TRAF5: variants seen among roughly 807,000 people sequenced by gnomAD.
TRAF5 encodes the protein TNF receptor-associated factor 5.
In TRAF5, 48 loss-of-function variants were observed where a neutral mutation model predicts 64.5. That is an observed-to-expected ratio of 0.74 (90% confidence interval 0.59 to 0.95). TRAF5 has a LOEUF of 0.95. Among genes scored for constraint, TRAF5 ranks in the 40% least tolerant of loss-of-function variants. TRAF5 has a pLI of 0.00. For missense variants in TRAF5, 545 were observed against 662.8 expected (o/e 0.82, Z 1.95); for synonymous variants, 206 against 240.5 (o/e 0.86, Z 1.33).
chr1:211,346,291 T>G, intron 1 of TRAF5: 1 of 881,078 alleles, frequency 1.1e-6, no homozygotes, highest in Non-Finnish European at 1.4e-6. Context: ...GCCTTATTTC[T>G]TCTGTCCTTG....
chr1:211,345,400 G>C (rs1402246044), intron 1 of TRAF5, among the ~76,000 whole-genome samples: 1 of 150,510 alleles, frequency 6.6e-6, no homozygotes, highest in Admixed American at 6.6e-5. Context: ...GGTAGTAACT[G>C]TTCTTCCTGG....
chr1:211,371,264 T>G, intron 9 of TRAF5, 38 bp from the exon 10 acceptor site: 1 of 1,535,194 alleles, frequency 6.5e-7, no homozygotes, highest in Non-Finnish European at 8.7e-7. Flanking sequence ...AAATATTAAC[T>G]AATTTTTTAA....
At chr1:211,360,617 A>T (rs529067613) in intron 5 of TRAF5, 85 bp from the exon 6 acceptor site, 1 of 1,093,878 alleles carries the variant, frequency 9.1e-7, no homozygotes, top group African/African-American at 1.6e-5. Flanking sequence ...GCCACGTGAC[A>T]TATAATCCCC....
intron 1 of TRAF5, among the ~76,000 whole-genome samples, chr1:211,349,736 G>A (rs1318634961): frequency 1.3e-5 from 2 of 152,216 alleles, no homozygotes; most frequent in East Asian, 3.8e-4. Flanking sequence ...GCAGAGTGTA[G>A]TGGAGGGAAC....
At chr1:211,347,606 G>A (rs116589592) in intron 1 of TRAF5, among the ~76,000 whole-genome samples, 2,136 of 152,338 alleles carry the variant, frequency 0.014, 47 homozygotes, top group African/African-American at 0.049. Context: ...TACACACATG[G>A]ATGGGGAGAG....
chr1:211,354,105 TGTCCCA>T (rs1184883885), intron 2 of TRAF5, among the ~76,000 whole-genome samples: 1 of 152,212 alleles, frequency 6.6e-6, no homozygotes, highest in African/African-American at 2.4e-5. Flanking sequence ...CCCTCTAGAA[TGTCCCA>T]GTCTAGAGGA....
chr1:211,358,502 C>G (rs1474979173), intron 4 of TRAF5: 1 of 145,716 alleles, frequency 6.9e-6, no homozygotes, highest in African/African-American at 2.5e-5. Flanking sequence ...AAAAAAAAAC[C>G]TAGAATGTCC....
chr1:211,353,133 G>C (rs1702846390), intron 1 of TRAF5, 106 bp from the exon 2 acceptor site: 1 of 1,111,288 alleles, frequency 9.0e-7, no homozygotes, highest in African/African-American at 1.5e-5. Context: ...ATGACCATGT[G>C]AATGATGTAC....
At chr1:211,358,321 C>T (rs984593739) in intron 4 of TRAF5, 1 of 151,870 alleles carries the variant, frequency 6.6e-6, no homozygotes, top group Admixed American at 6.6e-5. Flanking sequence ...ACTAATAATA[C>T]AAAAATTAGC....
In TRAF5 at chr1:211,361,123, G is replaced by T. The variant is rs774626101; in HGVS notation, c.657G>T (p.Glu219Asp). The T allele has an allele frequency of 4.1e-5, 66 of 1,614,056 alleles. 1 individual carries two copies. Among genetic ancestry groups the T allele is most frequent in the Middle Eastern group, 3.3e-4 (2 of 6,084 alleles). The part of the protein sequence containing the change: ...DEHLAVCPEA[E>D]QDCPFKHYGC... ...ACCTGGCTGTATGTCCTGAAGCTGA[G>T]CAAGACTGTCCTTTTAAGCACTATG... The change falls in exon 7 of 11, where the codon GAG becomes GAT. Residue 219 changes from glutamate to aspartate, a missense_variant. Physicochemically the swap from Glu to Asp is conservative, Grantham distance 45 (BLOSUM62 2). Transcript: ENST00000261464.
intron 4 of TRAF5, chr1:211,357,936 G>C (rs1343505268): frequency 6.6e-6 from 1 of 152,126 alleles, no homozygotes; most frequent in East Asian, 1.9e-4. Flanking sequence ...CAATTACTCA[G>C]CTCTCCCATT....
chr1:211,360,107 T>C, intron 5 of TRAF5, 31 bp downstream of exon 5: 1 of 1,605,088 alleles, frequency 6.2e-7, no homozygotes, highest in Non-Finnish European at 8.5e-7. Flanking sequence ...CAGTCATCTT[T>C]ATGGAGCTAA....
At chr1:211,364,255 A>G (rs139308045) in intron 7 of TRAF5, among the ~76,000 whole-genome samples, 22 of 152,334 alleles carry the variant, frequency 1.4e-4, no homozygotes, top group Admixed American at 1.2e-3. Context: ...AATGTAGTCT[A>G]TGGTTTTGAG....
At chr1:211,365,629 C>T (rs896164066) in intron 8 of TRAF5, 161 bp downstream of exon 8, 14 of 538,908 alleles carry the variant, frequency 2.6e-5, no homozygotes, top group Non-Finnish European at 4.1e-5. Flanking sequence ...GATTATAGAA[C>T]ATTAGAATTG....
intron 1 of TRAF5, among the ~76,000 whole-genome samples, chr1:211,347,866 C>T (rs1387456811): frequency 6.6e-6 from 1 of 152,206 alleles, no homozygotes; most frequent in African/African-American, 2.4e-5. Context: ...GCATCTCTTT[C>T]CCAGTTCCAG....
intron 1 of TRAF5, among the ~76,000 whole-genome samples, chr1:211,338,081 A>G (rs1702351457): frequency 6.6e-6 from 1 of 152,104 alleles, no homozygotes; most frequent in African/African-American, 2.4e-5. Flanking sequence ...GAGATAAGAG[A>G]AGGTGACCTG....
rs752477069 is a variant in TRAF5, at chr1:211,361,188, C to T, written c.696+26C>T. The T allele has an allele frequency of 2.4e-5, 39 of 1,597,830 alleles. No individual in the cohort carries two copies. The South Asian group carries it at 4.2e-4, about 17-fold the overall frequency. On this transcript the variant is annotated intron_variant, in intron 7 of 10. Transcript: ENST00000261464. ...GTATGGAATGACTTTTTGTTTCTGC[C>T]TATACATTCTACTGTATAATTCACT...
rs566005072 is a variant in TRAF5, at chr1:211,360,105, T to C, written c.543+29T>C. The C allele has an allele frequency of 6.9e-6, 11 of 1,604,738 alleles. No homozygotes were observed. In the African/African-American group the frequency reaches 1.3e-4, roughly 19 times the overall value. On this transcript the variant is annotated intron_variant, in intron 5 of 10. Coordinates refer to ENST00000261464, the MANE Select transcript of TRAF5 (RefSeq NM_001033910.3). The stretch of plus-strand genomic sequence containing the variant: ...AAAAACAACACATACAACAGTCATC[T>C]TTATGGAGCTAAATTATGCCTGAGT...
At chr1:211,335,301 TA>T (rs958831351) in intron 1 of TRAF5, among the ~76,000 whole-genome samples, 13 of 152,170 alleles carry the variant, frequency 8.5e-5, no homozygotes, top group African/African-American at 3.1e-4. Context: ...AGATGAATAA[TA>T]CAATGAGGGT....
Sources: allele counts gnomAD v4.1 joint callset (sites outside exome capture counted in the v4.1 genomes callset), GRCh38; gene constraint gnomAD v4.1.1; transcripts MANE v1.5; gene names NCBI Gene and HGNC (gene_info 2026-07-23, HGNC 2026-07-21).